Variants in RIMS2 observed in about 807,000 individuals in gnomAD.
The protein encoded by RIMS2 is regulating synaptic membrane exocytosis protein 2.
RIMS2 carries 59 observed loss-of-function variants against 174.4 expected under a neutral mutation model. That is an observed-to-expected ratio of 0.34 (90% CI 0.27 to 0.42). RIMS2 has a LOEUF of 0.42. RIMS2 is among the 10% of genes least tolerant of loss of function. The pLI is 1.00. For missense variants in RIMS2, 1,620 were observed against 1,666.3 expected (o/e 0.97, Z 0.48); for synonymous variants, 606 against 572.5 (o/e 1.06, Z -0.84).
At chr8:103,777,815 T>TA (rs1398068449) in intron 3 of RIMS2, among the ~76,000 whole-genome samples, 4 of 151,760 alleles carry the variant, frequency 2.6e-5, no homozygotes, top group South Asian at 2.1e-4. Context: ...TTGTGGACCA[T>TA]AAAAAAAATC....
At chr8:103,691,730 A>G (rs10113157) in intron 1 of RIMS2, among the ~76,000 whole-genome samples, 26,782 of 152,036 alleles carry the variant, frequency 0.18, 2,569 homozygotes, top group African/African-American at 0.24. Context: ...CTTCCTGGGT[A>G]GTCTTGATGC....
intron 1 of RIMS2, among the ~76,000 whole-genome samples, chr8:103,508,226 A>G (rs1021395149): frequency 6.6e-6 from 1 of 152,100 alleles, no homozygotes. Context: ...AGCTCATTGT[A>G]AGAAACGTGA....
intron 17 of RIMS2, among the ~76,000 whole-genome samples, chr8:103,993,128 A>T (rs571751930): frequency 1.3e-5 from 2 of 152,120 alleles, no homozygotes; most frequent in African/African-American, 2.4e-5. Flanking sequence ...ATATATATAT[A>T]TTTTAAGAGC....
chr8:103,796,260 A>C (rs1471937228), intron 3 of RIMS2, among the ~76,000 whole-genome samples: 1 of 152,154 alleles, frequency 6.6e-6, no homozygotes, highest in African/African-American at 2.4e-5. Flanking sequence ...TTTGGACTTA[A>C]AGTTCAAATT....
intron 19 of RIMS2, among the ~76,000 whole-genome samples, chr8:104,235,118 G>A (rs1418826065): frequency 6.6e-6 from 1 of 151,908 alleles, no homozygotes; most frequent in African/African-American, 2.4e-5. Context: ...TTTTTCATGA[G>A]AGAACAAAAA....
At chr8:103,768,501 G>T (rs756618452) in intron 3 of RIMS2, 1 of 998,256 alleles carries the variant, frequency 1.0e-6, no homozygotes, top group South Asian at 1.3e-5. Flanking sequence ...GGCCGTGTCC[G>T]CCTGCTAATG....
intron 1 of RIMS2, among the ~76,000 whole-genome samples, chr8:103,611,687 T>A (rs1269870681): frequency 6.6e-6 from 1 of 151,878 alleles, no homozygotes; most frequent in African/African-American, 2.4e-5. Context: ...TTTTTTTTCC[T>A]GCTTTTAGGA....
At chr8:103,647,896 A>G (rs1223331671) in intron 1 of RIMS2, among the ~76,000 whole-genome samples, 1 of 114,578 alleles carries the variant, frequency 8.7e-6, no homozygotes, top group South Asian at 2.9e-4. Context: ...TTTTTTTTTG[A>G]TTTTTTTTTT....
chr8:103,896,026 C>G (rs1052536112), intron 4 of RIMS2, among the ~76,000 whole-genome samples: 2 of 151,614 alleles, frequency 1.3e-5, no homozygotes, highest in Non-Finnish European at 2.9e-5. Flanking sequence ...TTCTACCGTG[C>G]TCTCTCAGGA....
chr8:103,516,740 A>T (rs920900797), intron 1 of RIMS2, among the ~76,000 whole-genome samples: 2 of 152,186 alleles, frequency 1.3e-5, no homozygotes, highest in Non-Finnish European at 2.9e-5. Flanking sequence ...TGTATATTAG[A>T]CAAAGAACTT....
chr8:103,616,063 A>G (rs1464058531), intron 1 of RIMS2, among the ~76,000 whole-genome samples: 1 of 152,184 alleles, frequency 6.6e-6, no homozygotes, highest in African/African-American at 2.4e-5. Flanking sequence ...AAGAGACATG[A>G]TAAAAAAAAG....
chr8:103,519,872 T>G (rs1416387209), intron 1 of RIMS2, among the ~76,000 whole-genome samples: 1 of 152,000 alleles, frequency 6.6e-6, no homozygotes, highest in Admixed American at 6.6e-5. Flanking sequence ...ATTCATCTGG[T>G]TAGAGCTTAG....
At chr8:103,696,965 C>A (rs996128435) in intron 1 of RIMS2, 121 bp from the exon 4 acceptor site, 3 of 563,380 alleles carry the variant, frequency 5.3e-6, no homozygotes, top group Non-Finnish European at 9.7e-6. Context: ...ATTAAATTTT[C>A]ATTCTTTTTA....
At chr8:103,971,274 A>G (rs2092839716) in intron 15 of RIMS2, among the ~76,000 whole-genome samples, 1 of 151,948 alleles carries the variant, frequency 6.6e-6, no homozygotes, top group Non-Finnish European at 1.5e-5. Flanking sequence ...TTTATTTTTA[A>G]TCTCCATGTG....
chr8:104,141,156 G>C (rs926670737), intron 19 of RIMS2, among the ~76,000 whole-genome samples: 1 of 152,122 alleles, frequency 6.6e-6, no homozygotes, highest in Non-Finnish European at 1.5e-5. Context: ...ATCATTTGAT[G>C]ATAGACAAAT....
chr8:103,678,954 G>C (rs1270560793), intron 1 of RIMS2, among the ~76,000 whole-genome samples: 1 of 151,920 alleles, frequency 6.6e-6, no homozygotes, highest in Non-Finnish European at 1.5e-5. Flanking sequence ...ACTCAACACT[G>C]TGAAGATGTC....
chr8:103,970,229 T>C (rs2092708447), intron 15 of RIMS2, among the ~76,000 whole-genome samples: 1 of 152,146 alleles, frequency 6.6e-6, no homozygotes, highest in Admixed American at 6.5e-5. Context: ...AAATTTCAAG[T>C]GGTTCTCATT....
At chr8:103,652,277 G>T (rs759906754) in intron 1 of RIMS2, 40 bp downstream of exon 2, 14 of 1,247,696 alleles carry the variant, frequency 1.1e-5, no homozygotes, top group Non-Finnish European at 1.4e-5. Flanking sequence ...CTTGACTTCT[G>T]TACTTTTGCC....
chr8:103,991,078 C>CA (rs1348677433), intron 17 of RIMS2, among the ~76,000 whole-genome samples: 2 of 151,806 alleles, frequency 1.3e-5, no homozygotes, highest in African/African-American at 4.8e-5. Flanking sequence ...AGATATCCTA[C>CA]AATGTGCATT....
Sources: allele counts gnomAD v4.1 joint callset (sites outside exome capture counted in the v4.1 genomes callset), GRCh38; gene constraint gnomAD v4.1.1; transcripts MANE v1.5; gene names NCBI Gene and HGNC (gene_info 2026-07-23, HGNC 2026-07-21).